HEYL: variants seen among roughly 807,000 people sequenced by gnomAD.
HEYL encodes hes related family bHLH transcription factor with YRPW motif like.
HEYL carries 12 observed loss-of-function variants against 18.6 expected under a neutral mutation model. The observed-to-expected ratio is 0.65, with a 90% CI of 0.41 to 1.05. HEYL has a LOEUF of 1.05. Among genes scored for constraint, HEYL ranks in the 50% least tolerant of loss-of-function variants. The pLI, the probability that HEYL is intolerant of heterozygous loss-of-function variation, is 0.00. For missense variants in HEYL, 420 were observed against 444.7 expected, an observed-to-expected ratio of 0.94 and a Z score of 0.50; for synonymous variants, 159 against 179.6, an observed-to-expected ratio of 0.89 and a Z score of 0.91.
chr1:39,633,912 A>C (rs1358756665), intron 1 of HEYL: 1 of 152,230 alleles, frequency 6.6e-6, no homozygotes, highest in Non-Finnish European at 1.5e-5. Context: ...CCTCTCCGCC[A>C]CTTCTCTCAA....
rs771106304 is a variant in HEYL at position 39,632,692 on chromosome 1, G to C, written c.104C>G (p.Thr35Ser). 1 of 1,614,016 alleles carries C rather than the reference G, an allele frequency of 6.2e-7. No homozygotes were observed. The highest frequency in any genetic ancestry group is 1.1e-5 in the South Asian group (1 of 91,082). ...QLSQMARPLS[T>S]PSSSQMQARK... ...GGCTTGCATCTGCGAAGAGCTGGGG[G>C]TGGACAGCGGCCTGGCCATCTGGCT... The change falls in exon 2 of 5, where the codon ACC (threonine) becomes AGC (serine). Residue 35 changes from threonine (T) to serine (S), a missense_variant. Thr to Ser is a moderately conservative substitution (Grantham distance 58). Transcript: ENST00000372852.
chr1:39,626,882 G>C lies in HEYL; in HGVS notation c.612C>G (p.Leu204=), dbSNP rs115716116. 18 of 1,602,850 alleles carry C rather than the reference G, an allele frequency of 1.1e-5. No individual in the cohort carries two copies. In the South Asian group the frequency reaches 1.8e-4, roughly 16 times the overall value. Residue 204 remains leucine, a synonymous_variant, in exon 5 of 5, where the codon CTC becomes CTG. Transcript: ENST00000372852. ...GGTAAGCAGGAGAGGAGACACCGGG[G>C]AGGACAGGGCTGGGCACTCTTCCCA... ...AILGRVPSPV[L]PGVSSPAYPI...
chr1:39,626,720 C>A lies in HEYL; in HGVS notation c.774G>T (p.Val258=). ...ARPLERPATP[V]PVAPSSRAAR... is the part of the protein sequence containing the mutation. ...CAGCCCTGCTGCTGGGGGCGACAGGCACAGGGGTCGCTGGCCTCTCTAGGG... is the reference window on the plus strand; with the variant it reads ...CAGCCCTGCTGCTGGGGGCGACAGGAACAGGGGTCGCTGGCCTCTCTAGGG... Residue 258 remains valine (V), a synonymous_variant, in exon 5 of 5, where the codon GTG becomes GTT. Transcript: ENST00000372852. The A allele has an allele frequency of 6.6e-7, 1 of 1,508,692 alleles. No individual in the cohort carries two copies. Among genetic ancestry groups the A allele is most frequent in the Non-Finnish European group, 8.9e-7 (1 of 1,124,674 alleles). 93.5% of individuals were successfully genotyped at this position (1,508,692 alleles called of 1,614,324 possible). A position where few individuals can be genotyped will look rare whatever the true frequency, so the allele number is the denominator to read the frequency against.
intron 2 of HEYL, 68 bp from the exon 3 acceptor site, chr1:39,631,647 A>C: frequency 8.3e-7 from 1 of 1,202,820 alleles, no homozygotes; most frequent in Non-Finnish European, 1.2e-6. Flanking sequence ...CTTGATGGTC[A>C]TCAACTCATA....
intron 1 of HEYL, chr1:39,633,815 C>G (rs1313813379): frequency 6.6e-6 from 1 of 152,448 alleles, no homozygotes; most frequent in Non-Finnish European, 1.5e-5. Flanking sequence ...AAAGCTGATG[C>G]TGTCTTTGAT....
intron 4 of HEYL, among the ~76,000 whole-genome samples, chr1:39,629,126 A>G (rs1367739985): frequency 6.6e-6 from 1 of 152,210 alleles, no homozygotes; most frequent in Non-Finnish European, 1.5e-5. Context: ...CCATTAGTTC[A>G]CAGTCAGAAA....
Position 39,623,645 on chromosome 1 carries a change from T to C in HEYL, c.*2862A>G, listed in dbSNP as rs560162992. Among the ~76,000 whole-genome samples, 1 of 152,298 alleles carries C rather than the reference T, an allele frequency of 6.6e-6. No homozygotes were observed. The highest frequency in any genetic ancestry group is 6.5e-5 in the Admixed American group (1 of 15,304). ...AAGGGAAAGAACAGAGGCCTTGTGA[T>C]AGAGGAACTCCACAAGTAAAGTAGT... On this transcript the variant is annotated 3_prime_UTR_variant, in exon 5 of 5. Transcript: ENST00000372852.
intron 1 of HEYL, among the ~76,000 whole-genome samples, chr1:39,638,222 G>A (rs1359943861): frequency 6.6e-6 from 1 of 152,240 alleles, no homozygotes; most frequent in Non-Finnish European, 1.5e-5. Context: ...CCTGGGATTT[G>A]AGACTGAGGC....
At chr1:39,635,531 C>T (rs1410699170) in intron 1 of HEYL, among the ~76,000 whole-genome samples, 3 of 152,202 alleles carry the variant, frequency 2.0e-5, no homozygotes, top group East Asian at 1.9e-4. Flanking sequence ...TTATTTCCCC[C>T]CTTCTCCTCT....
At chr1:39,631,793 G>A (rs1373256309) in intron 2 of HEYL, among the ~76,000 whole-genome samples, 1 of 152,210 alleles carries the variant, frequency 6.6e-6, no homozygotes, top group Non-Finnish European at 1.5e-5. Flanking sequence ...GTACAACTCA[G>A]ATCTCTTGTC....
At chr1:39,639,346 G>C (rs1646375462) in intron 1 of HEYL, among the ~76,000 whole-genome samples, 200 bp downstream of exon 1, 1 of 152,168 alleles carries the variant, frequency 6.6e-6, no homozygotes, top group South Asian at 2.1e-4. Context: ...GCACGACCGA[G>C]AGCGCGCAGG....
At chr1:39,637,756 T>C (rs1414383352) in intron 1 of HEYL, among the ~76,000 whole-genome samples, 1 of 152,250 alleles carries the variant, frequency 6.6e-6, no homozygotes, top group Non-Finnish European at 1.5e-5. Context: ...TTATGCCTCA[T>C]GTAAGCAGTT....
At position 39,629,656 on chromosome 1, in the gene HEYL, G is replaced by C. The variant is rs151326395; in HGVS notation, c.313+571C>G. On this transcript the variant is annotated intron_variant, in intron 4 of 4. Transcript: ENST00000372852. ...CAAATACACAGAGAAACTTTGAGTA[G>C]ACAGAATTTCTATTTGTCTGGAAGT... Among the ~76,000 whole-genome samples the C allele has an allele frequency of 5.4e-3, 826 of 152,332 alleles. 8 individuals are homozygous for C. The highest frequency in any genetic ancestry group is 0.019 in the African/African-American group (786 of 41,578).
intron 1 of HEYL, 74 bp downstream of exon 1, chr1:39,639,472 C>T: frequency 1.5e-6 from 2 of 1,316,596 alleles, no homozygotes; most frequent in Non-Finnish European, 2.1e-6. Context: ...GGCCCGCCTG[C>T]TCGGCGAGCC....
At chr1:39,638,389 C>T (rs573809675) in intron 1 of HEYL, among the ~76,000 whole-genome samples, 3 of 152,274 alleles carry the variant, frequency 2.0e-5, no homozygotes, top group South Asian at 4.1e-4. Flanking sequence ...CCCAGGAGAT[C>T]AAGGTTGCCA....
intron 1 of HEYL, among the ~76,000 whole-genome samples, chr1:39,636,903 G>T (rs2124123212): frequency 6.6e-6 from 1 of 152,316 alleles, no homozygotes; most frequent in Non-Finnish European, 1.5e-5. Context: ...AACGTTTATT[G>T]GAAGTTACTT....
intron 4 of HEYL, among the ~76,000 whole-genome samples, chr1:39,628,749 C>G (rs780599190): frequency 2.0e-5 from 3 of 152,106 alleles, no homozygotes; most frequent in Non-Finnish European, 4.4e-5. Flanking sequence ...AGGCGCCCAC[C>G]ACCACACCCG....
chr1:39,631,111 G>A (rs193074612), intron 3 of HEYL, among the ~76,000 whole-genome samples: 166 of 152,302 alleles, frequency 1.1e-3, no homozygotes, highest in African/African-American at 3.9e-3. Context: ...CCACTTTCAA[G>A]TCACTCTAGA....
chr1:39,633,344 G>C (rs1417252468), intron 1 of HEYL: 1 of 152,724 alleles, frequency 6.5e-6, no homozygotes, highest in African/African-American at 2.4e-5. Flanking sequence ...TCTGCGCCCC[G>C]GTTGAATGAT....
Sources: gnomAD v4.1 joint callset for allele counts (sites outside exome capture counted in the v4.1 genomes callset) on GRCh38, gnomAD v4.1.1 for gene constraint, MANE v1.5 for transcripts, NCBI Gene and HGNC (gene_info 2026-07-23, HGNC 2026-07-21) for gene names.